The following FMNL2 variants were observed in gnomAD, a reference collection of about 807,000 sequenced individuals.
The protein encoded by FMNL2 is formin like 2, also known as formin-like protein 2.
Under a neutral mutation model 130.2 loss-of-function variants are expected in FMNL2, and 51 were observed. The observed-to-expected ratio is 0.39, with a 90% CI of 0.31 to 0.49. FMNL2 has a LOEUF of 0.49. Ranked by LOEUF, FMNL2 falls within the 20% of genes least tolerant of loss-of-function variation. The pLI, the probability that FMNL2 is intolerant of heterozygous loss-of-function variation, is 0.85. For synonymous variants in FMNL2, 465 were observed against 467.1 expected (o/e 1.00, Z 0.06); for missense variants, 977 against 1,316.2 (o/e 0.74, Z 3.99).
chr2:152,395,621 G>A (rs1168393683), intron 1 of FMNL2, among the ~76,000 whole-genome samples: 1 of 152,156 alleles, frequency 6.6e-6, no homozygotes, highest in Non-Finnish European at 1.5e-5. Flanking sequence ...TAGAATTTTT[G>A]TTCAACTTCC....
At chr2:152,594,758 A>G (rs1697662528) in intron 9 of FMNL2, among the ~76,000 whole-genome samples, 1 of 152,176 alleles carries the variant, frequency 6.6e-6, no homozygotes, top group Admixed American at 6.5e-5. Context: ...CTCAACAGCC[A>G]TTCTTTATTC....
chr2:152,428,938 T>C (rs946448028), intron 1 of FMNL2, among the ~76,000 whole-genome samples: 1 of 152,156 alleles, frequency 6.6e-6, no homozygotes, highest in Non-Finnish European at 1.5e-5. Context: ...GCTTGCATGT[T>C]CTCACTTACA....
At chr2:152,478,250 A>ATTTT (rs869219736) in intron 1 of FMNL2, among the ~76,000 whole-genome samples, 6 of 92,134 alleles carry the variant, frequency 6.5e-5, no homozygotes, top group African/African-American at 2.2e-4. Context: ...ATATATATAT[A>ATTTT]TTTTTTTTTT....
intron 4 of FMNL2, among the ~76,000 whole-genome samples, chr2:152,553,646 T>A (rs1466839598): frequency 6.6e-6 from 1 of 151,698 alleles, no homozygotes; most frequent in East Asian, 1.9e-4. Context: ...GTTTATAATA[T>A]TAGAAATTAA....
intron 1 of FMNL2, among the ~76,000 whole-genome samples, chr2:152,448,302 TA>T (rs947173235): frequency 1.1e-4 from 17 of 152,254 alleles, no homozygotes; most frequent in African/African-American, 3.4e-4. Flanking sequence ...AATTTTTGGA[TA>T]AAAGTATTGG....
At chr2:152,613,901 C>G (rs755126177) in intron 11 of FMNL2, among the ~76,000 whole-genome samples, 1 of 152,160 alleles carries the variant, frequency 6.6e-6, no homozygotes, top group Non-Finnish European at 1.5e-5. Context: ...CCAGAGCTAG[C>G]TGAGTCCCTG....
intron 21 of FMNL2, among the ~76,000 whole-genome samples, chr2:152,632,978 G>C (rs923234026): frequency 6.6e-6 from 1 of 152,118 alleles, no homozygotes; most frequent in Non-Finnish European, 1.5e-5. Context: ...CTCTAACTCA[G>C]CCATGGTAAA....
At chr2:152,409,131 C>T (rs895111944) in intron 1 of FMNL2, among the ~76,000 whole-genome samples, 3 of 152,024 alleles carry the variant, frequency 2.0e-5, no homozygotes, top group African/African-American at 7.2e-5. Context: ...CCTTCCTCAC[C>T]CCATATTTCA....
chr2:152,376,926 ACT>A (rs1684207575), intron 1 of FMNL2, among the ~76,000 whole-genome samples: 2 of 152,180 alleles, frequency 1.3e-5, no homozygotes, highest in Non-Finnish European at 1.5e-5. Context: ...AAACAACAAA[ACT>A]CTGAGGATTA....
At chr2:152,408,073 G>A (rs1558836968) in intron 1 of FMNL2, among the ~76,000 whole-genome samples, 1 of 152,174 alleles carries the variant, frequency 6.6e-6, no homozygotes, top group Admixed American at 6.5e-5. Flanking sequence ...GAACAGGGTT[G>A]GAGAGTTTCT....
chr2:152,397,861 C>A (rs6745714), intron 1 of FMNL2, among the ~76,000 whole-genome samples: 1,961 of 152,342 alleles, frequency 0.013, 36 homozygotes, highest in African/African-American at 0.045. Flanking sequence ...CAGTGGCTCA[C>A]ACCTGTAATC....
Position 152,336,301 on chromosome 2 carries a change from C to T in FMNL2, c.117+581C>T, listed in dbSNP as rs1464267166. Reference sequence around the variant, plus strand: ...GCTTCCCCGAAAGGGAAAGCGGAGACCCACAGCAGTGCGGCGCCCCGGCCC... The same window carrying T: ...GCTTCCCCGAAAGGGAAAGCGGAGATCCACAGCAGTGCGGCGCCCCGGCCC... On this transcript the variant is annotated intron_variant, in intron 1 of 25. Transcript: ENST00000288670. Among the ~76,000 whole-genome samples, 5 of 152,168 alleles carry T rather than the reference C, an allele frequency of 3.3e-5. No homozygotes were observed. The East Asian group carries it at 9.8e-4, about 30-fold the overall frequency.
intron 15 of FMNL2, chr2:152,621,005 C>T (rs908341043): frequency 3.9e-5 from 38 of 985,240 alleles, no homozygotes; most frequent in Middle Eastern, 5.2e-4. Flanking sequence ...GCAGAGTCAT[C>T]GTGGAACTGA....
chr2:152,640,828 T>C lies in FMNL2; in HGVS notation c.3083T>C (p.Leu1028Ser). Residue 1028 changes from leucine (L) to serine (S), a missense_variant, in exon 25 of 26, where the codon TTA (leucine) becomes TCA (serine). Transcript: ENST00000288670. ...AAATCAAAGAGGCAGCAGCAAGAGTTAATTGCAGAATTAAGAAGACGACAA... is the reference window on the plus strand; with the variant it reads ...AAATCAAAGAGGCAGCAGCAAGAGTCAATTGCAGAATTAAGAAGACGACAA... ...SHKSKRQQQE[L>S]IAELRRRQVK... The C allele has an allele frequency of 6.2e-7, 1 of 1,613,834 alleles. No individual in the cohort carries two copies. Among genetic ancestry groups the C allele is most frequent in the Non-Finnish European group, 8.5e-7 (1 of 1,179,810 alleles).
intron 2 of FMNL2, among the ~76,000 whole-genome samples, chr2:152,535,144 C>A (rs982947766): frequency 6.6e-6 from 1 of 152,224 alleles, no homozygotes; most frequent in Non-Finnish European, 1.5e-5. Context: ...TATTTGACAT[C>A]CACTGTCGTT....
intron 9 of FMNL2, among the ~76,000 whole-genome samples, chr2:152,601,067 A>G (rs1010804510): frequency 3.9e-5 from 6 of 152,142 alleles, no homozygotes; most frequent in African/African-American, 1.2e-4. Context: ...TTTATTTGCA[A>G]TGAAACCTTT....
chr2:152,595,816 A>G (rs1697736633), intron 9 of FMNL2, among the ~76,000 whole-genome samples: 1 of 150,962 alleles, frequency 6.6e-6, no homozygotes, highest in African/African-American at 2.5e-5. Flanking sequence ...GGAAAAGAAC[A>G]TCTTCTAGCC....
At chr2:152,548,605 G>A (rs1028769563) in intron 3 of FMNL2, among the ~76,000 whole-genome samples, 1 of 152,142 alleles carries the variant, frequency 6.6e-6, no homozygotes, top group African/African-American at 2.4e-5. Context: ...TTTATCCTAT[G>A]CACCTTTTCT....
chr2:152,380,298 G>C (rs1258290041), intron 1 of FMNL2, among the ~76,000 whole-genome samples: 2 of 152,168 alleles, frequency 1.3e-5, no homozygotes, highest in Non-Finnish European at 2.9e-5. Flanking sequence ...TGTTAACCTT[G>C]GTGAGCCTTG....
Sources: gnomAD v4.1 joint callset for allele counts (sites outside exome capture counted in the v4.1 genomes callset) on GRCh38, gnomAD v4.1.1 for gene constraint, MANE v1.5 for transcripts, NCBI Gene and HGNC (gene_info 2026-07-23, HGNC 2026-07-21) for gene names.